SPIDR: variants seen among roughly 807,000 people sequenced by gnomAD.
The protein encoded by SPIDR is DNA repair-scaffolding protein.
In SPIDR, 93 loss-of-function variants were observed where a neutral mutation model predicts 104.6. That is an observed-to-expected ratio of 0.89 (90% confidence interval 0.75 to 1.06). The LOEUF is 1.06. SPIDR is among the 50% of genes least tolerant of loss of function. The pLI is 0.00. For synonymous variants in SPIDR, 431 were observed against 416.9 expected (o/e 1.03, Z -0.41); for missense variants, 1,154 against 1,111.2 (o/e 1.04, Z -0.55).
chr8:47,626,012 A>G (rs1263326464), intron 10 of SPIDR, among the ~76,000 whole-genome samples: 1 of 152,206 alleles, frequency 6.6e-6, no homozygotes, highest in African/African-American at 2.4e-5. Context: ...AGTAACCAAA[A>G]CAGCATGGTA....
At chr8:47,347,375 T>C (rs1264826768) in intron 5 of SPIDR, among the ~76,000 whole-genome samples, 9 of 152,206 alleles carry the variant, frequency 5.9e-5, no homozygotes, top group African/African-American at 2.2e-4. Flanking sequence ...GACTATGTGG[T>C]GAATTTTGGA....
At chr8:47,452,967 C>A (rs2072139888) in intron 8 of SPIDR, among the ~76,000 whole-genome samples, 1 of 152,192 alleles carries the variant, frequency 6.6e-6, no homozygotes, top group Admixed American at 6.5e-5. Context: ...AGGGCCCCAT[C>A]ATCGCAGCCC....
intron 5 of SPIDR, among the ~76,000 whole-genome samples, chr8:47,341,670 G>C (rs1372833740): frequency 6.6e-6 from 1 of 151,792 alleles, no homozygotes; most frequent in Non-Finnish European, 1.5e-5. Flanking sequence ...GTTTTACATT[G>C]TTGATACCCA....
intron 8 of SPIDR, among the ~76,000 whole-genome samples, chr8:47,584,910 C>T (rs1049540108): frequency 1.3e-5 from 2 of 152,178 alleles, no homozygotes; most frequent in Admixed American, 1.3e-4. Flanking sequence ...TTCTCTCTTT[C>T]TCACAACTTT....
chr8:47,511,335 GGTACTC>G, intron 8 of SPIDR: 1 of 1,181,436 alleles, frequency 8.5e-7, no homozygotes, highest in South Asian at 1.2e-5. Context: ...CTGGAGAGAT[GGTACTC>G]AACACCTAGG....
At chr8:47,541,300 C>G (rs1365797587) in intron 8 of SPIDR, among the ~76,000 whole-genome samples, 1 of 152,224 alleles carries the variant, frequency 6.6e-6, no homozygotes. Flanking sequence ...GAAACTTGCT[C>G]ATGTCTATAC....
At chr8:47,298,916 A>G (rs1393150618) in intron 5 of SPIDR, among the ~76,000 whole-genome samples, 2 of 152,224 alleles carry the variant, frequency 1.3e-5, no homozygotes, top group Middle Eastern at 3.2e-3. Context: ...CTTATGGCTT[A>G]GGATTGACTT....
rs535607804 is a variant in SPIDR, at chr8:47,728,706, C to G, written c.2436-227C>G. On this transcript the variant is annotated intron_variant, in intron 17 of 19. Coordinates refer to ENST00000297423, the MANE Select transcript of SPIDR (RefSeq NM_001080394.4). Reference sequence around the variant, plus strand: ...GCTCAGCATCCCCTCCTCTGCTCCCCTCTTCGGCCTCCAGCCAGTGCTACT... The same window carrying G: ...GCTCAGCATCCCCTCCTCTGCTCCCGTCTTCGGCCTCCAGCCAGTGCTACT... 17 of 434,514 alleles carry G rather than the reference C, an allele frequency of 3.9e-5. No homozygotes were observed. In the East Asian group the frequency reaches 6.4e-4, roughly 16 times the overall value. 26.9% of individuals were successfully genotyped at this position (434,514 alleles called of 1,614,324 possible).
Position 47,284,088 on chromosome 8 carries a change from AAGCAAG to A in SPIDR, c.251_256del (p.Gln85_Glu86del). 1 of 1,609,080 alleles carries A rather than the reference AAGCAAG, an allele frequency of 6.2e-7. No homozygotes were observed. The highest frequency in any genetic ancestry group is 8.5e-7 in the Non-Finnish European group (1 of 1,177,428). ...GCACCTTGAATTATGCCCTAGACCC[AAGCAAG>A]GTAACTATTTTGTTGATTTCTTGAC... On this transcript the variant is annotated inframe_deletion and splice_region_variant, in exon 3 of 20. Transcript: ENST00000297423.
chr8:47,464,927 C>A (rs1473386083), intron 8 of SPIDR, among the ~76,000 whole-genome samples: 1 of 152,034 alleles, frequency 6.6e-6, no homozygotes, highest in Non-Finnish European at 1.5e-5. Context: ...CACCACCACA[C>A]CTGGCTAATT....
chr8:47,392,345 C>A (rs563054763), intron 5 of SPIDR, among the ~76,000 whole-genome samples: 15 of 152,260 alleles, frequency 9.9e-5, no homozygotes, highest in African/African-American at 3.1e-4. Flanking sequence ...TCCAAGTGGT[C>A]TTCTCCATTT....
At chr8:47,549,091 G>A (rs1189171488) in intron 8 of SPIDR, among the ~76,000 whole-genome samples, 2 of 152,130 alleles carry the variant, frequency 1.3e-5, no homozygotes, top group Non-Finnish European at 2.9e-5. Flanking sequence ...CCTAACAAAG[G>A]ACATGAACTC....
At chr8:47,487,561 A>C (rs986188159) in intron 8 of SPIDR, among the ~76,000 whole-genome samples, 1 of 152,214 alleles carries the variant, frequency 6.6e-6, no homozygotes, top group Non-Finnish European at 1.5e-5. Context: ...CATTCTTCCC[A>C]GCACCACTTC....
rs1229589674 is a variant in SPIDR at position 47,261,006 on chromosome 8, G to T, written c.33+15G>T. ...GGGGCTCTAAGGTAGGCTCTGGGGC[G>T]GGAGTGGGCGCCGCGCCGTTTCCCG... On this transcript the variant is annotated intron_variant, in intron 1 of 19. Transcript: ENST00000297423. 8.1e-7 allele frequency: 1 copy of T among 1,227,912 alleles called. No individual in the cohort carries two copies. The highest frequency in any genetic ancestry group is 1.0e-6 in the Non-Finnish European group (1 of 985,286). 76.1% of individuals were successfully genotyped at this position (1,227,912 alleles called of 1,614,324 possible). A position where few individuals can be genotyped will look rare whatever the true frequency, so the allele number is the denominator to read the frequency against.
At chr8:47,583,326 A>G (rs558815593) in intron 8 of SPIDR, among the ~76,000 whole-genome samples, 2 of 141,486 alleles carry the variant, frequency 1.4e-5, no homozygotes, top group Admixed American at 7.2e-5. Flanking sequence ...AAAAAAAAGT[A>G]TCAGTGGGAG....
At chr8:47,350,416 C>T (rs1212308664) in intron 5 of SPIDR, among the ~76,000 whole-genome samples, 1 of 152,188 alleles carries the variant, frequency 6.6e-6, no homozygotes, top group Non-Finnish European at 1.5e-5. Context: ...TGGGTTCAAG[C>T]GATTCTTCTG....
intron 10 of SPIDR, chr8:47,654,213 G>A (rs1355077346): frequency 6.3e-6 from 8 of 1,273,578 alleles, no homozygotes; most frequent in Non-Finnish European, 8.2e-6. Flanking sequence ...TGCAGGAGGG[G>A]TTAGAAGAAA....
chr8:47,622,078 T>G (rs1049419309), intron 10 of SPIDR, among the ~76,000 whole-genome samples: 1 of 152,034 alleles, frequency 6.6e-6, no homozygotes, highest in Admixed American at 6.6e-5. Context: ...AGTGTCTTAG[T>G]GGCAGGCAGG....
chr8:47,350,213 A>T (rs1303979008), intron 5 of SPIDR, among the ~76,000 whole-genome samples: 6 of 152,244 alleles, frequency 3.9e-5, no homozygotes, highest in Non-Finnish European at 7.3e-5. Context: ...ATATTTGCAG[A>T]TTCCCAAGAA....
Sources: allele counts gnomAD v4.1 joint callset (sites outside exome capture counted in the v4.1 genomes callset), GRCh38; gene constraint gnomAD v4.1.1; transcripts MANE v1.5; gene names NCBI Gene and HGNC (gene_info 2026-07-23, HGNC 2026-07-21).